The following ASB3 variants were observed in gnomAD, a reference collection of about 807,000 sequenced individuals.
ASB3 encodes ankyrin repeat and SOCS box protein 3.
A neutral mutation model predicts 54.5 loss-of-function variants in ASB3; 41 were observed. The observed-to-expected ratio is 0.75, with a 90% CI of 0.59 to 0.98. The LOEUF is 0.98. Ranked by LOEUF, ASB3 falls within the 50% of genes least tolerant of loss-of-function variation. The pLI is 0.00. For synonymous variants in ASB3, 266 were observed against 221.2 expected (o/e 1.20, Z -1.80); for missense variants, 733 against 620.0 (o/e 1.18, Z -1.94).
intron 9 of ASB3, among the ~76,000 whole-genome samples, chr2:53,674,127 G>A (rs568427073): frequency 2.0e-5 from 3 of 152,088 alleles, no homozygotes; most frequent in South Asian, 2.1e-4. Context: ...TTTATAATAC[G>A]AAAAAGGCCA....
intron 3 of ASB3, among the ~76,000 whole-genome samples, chr2:53,743,049 G>T (rs1164562758): frequency 6.6e-6 from 1 of 152,030 alleles, no homozygotes; most frequent in East Asian, 1.9e-4. Context: ...GAACAGAATG[G>T]ATCATCATTT....
At chr2:53,749,283 T>C (rs1313036114) in intron 3 of ASB3, among the ~76,000 whole-genome samples, 2 of 151,926 alleles carry the variant, frequency 1.3e-5, no homozygotes, top group African/African-American at 4.8e-5. Context: ...ATTACTAAGA[T>C]GTAAGGGAGA....
intron 7 of ASB3, among the ~76,000 whole-genome samples, chr2:53,705,054 A>C (rs1234893213): frequency 6.6e-6 from 1 of 152,202 alleles, no homozygotes; most frequent in Non-Finnish European, 1.5e-5. Context: ...AATTCCCACA[A>C]TCAAATTCTA....
intron 9 of ASB3, among the ~76,000 whole-genome samples, chr2:53,688,507 C>T (rs1050408803): frequency 3.3e-5 from 5 of 152,116 alleles, no homozygotes; most frequent in Admixed American, 1.3e-4. Context: ...AAAAATGAAA[C>T]GGAACTCAGT....
At chr2:53,762,439 C>T (rs774897320) in intron 2 of ASB3, among the ~76,000 whole-genome samples, 10 of 152,154 alleles carry the variant, frequency 6.6e-5, no homozygotes, top group Non-Finnish European at 1.3e-4. Context: ...AACTCTTAAT[C>T]GCTGTGCTAC....
At chr2:53,705,217 C>CA (rs1170096959) in intron 7 of ASB3, among the ~76,000 whole-genome samples, 1 of 152,074 alleles carries the variant, frequency 6.6e-6, no homozygotes, top group Non-Finnish European at 1.5e-5. Flanking sequence ...AAAAATATAG[C>CA]ATTTTCCAAT....
At chr2:53,782,848 G>A (rs1027147566) in intron 1 of ASB3, among the ~76,000 whole-genome samples, 3 of 151,858 alleles carry the variant, frequency 2.0e-5, no homozygotes, top group Non-Finnish European at 2.9e-5. Context: ...GTGCAATGGC[G>A]CAATCTCGGC....
intron 8 of ASB3, among the ~76,000 whole-genome samples, chr2:53,696,159 T>C (rs1051633201): frequency 1.3e-5 from 2 of 152,290 alleles, no homozygotes; most frequent in African/African-American, 4.8e-5. Flanking sequence ...AGTTAAATTT[T>C]CCACTGTATT....
chr2:53,746,222 T>C (rs879764975), intron 3 of ASB3, among the ~76,000 whole-genome samples: 2 of 151,972 alleles, frequency 1.3e-5, no homozygotes, highest in East Asian at 1.9e-4. Flanking sequence ...TTGAGCCCAA[T>C]AGTTTGAGGC....
chr2:53,729,184 C>G (rs897193172), intron 4 of ASB3, among the ~76,000 whole-genome samples: 1 of 152,154 alleles, frequency 6.6e-6, no homozygotes, highest in African/African-American at 2.4e-5. Context: ...ACCCATTGCT[C>G]TTTATCAATT....
At chr2:53,778,552 C>T (rs1674478646) in intron 1 of ASB3, among the ~76,000 whole-genome samples, 1 of 152,184 alleles carries the variant, frequency 6.6e-6, no homozygotes. Flanking sequence ...CATGCCTTCC[C>T]TCCAACCCTG....
chr2:53,700,801 T>C (rs1217644634), intron 7 of ASB3, among the ~76,000 whole-genome samples: 4 of 152,198 alleles, frequency 2.6e-5, no homozygotes, highest in Non-Finnish European at 5.9e-5. Context: ...AAAATTATCA[T>C]TGACAGAAAA....
intron 7 of ASB3, among the ~76,000 whole-genome samples, chr2:53,705,066 G>T (rs531202590): frequency 6.6e-6 from 1 of 152,028 alleles, no homozygotes; most frequent in Non-Finnish European, 1.5e-5. Flanking sequence ...CAAATTCTAC[G>T]TCTCTTTGAC....
intron 1 of ASB3, among the ~76,000 whole-genome samples, chr2:53,777,247 C>A (rs1169057638): frequency 6.6e-6 from 1 of 152,128 alleles, no homozygotes; most frequent in Non-Finnish European, 1.5e-5. Context: ...TCGTCTTAAT[C>A]CCTTTCCAAT....
intron 1 of ASB3, chr2:53,767,826 T>A (rs1482454745): frequency 6.5e-7 from 1 of 1,549,876 alleles, no homozygotes; most frequent in Admixed American, 2.0e-5. Context: ...GAGGCTTCAG[T>A]CCCCGGCGGC....
intron 1 of ASB3, among the ~76,000 whole-genome samples, chr2:53,776,216 G>A (rs553169011): frequency 1.8e-4 from 28 of 152,114 alleles, no homozygotes; most frequent in African/African-American, 6.3e-4. Flanking sequence ...AATTTACTCA[G>A]CTACATATCT....
intron 3 of ASB3, among the ~76,000 whole-genome samples, chr2:53,735,483 T>C (rs1203374569): frequency 9.8e-6 from 1 of 101,836 alleles, no homozygotes. Flanking sequence ...AAAGCAAAGA[T>C]CTAAAAAAAA....
chr2:53,675,869 A>G (rs1182456071), intron 9 of ASB3, among the ~76,000 whole-genome samples: 10 of 152,172 alleles, frequency 6.6e-5, no homozygotes, highest in Admixed American at 5.2e-4. Context: ...ACATAGCAAA[A>G]GTTTCTTTCA....
chr2:53,784,743 C>A (rs1019090546), intron 1 of ASB3, among the ~76,000 whole-genome samples: 1 of 152,142 alleles, frequency 6.6e-6, no homozygotes, highest in Non-Finnish European at 1.5e-5. Context: ...CAGATTAGGG[C>A]CCCCTTTGAT....
Sources: allele counts gnomAD v4.1 joint callset (sites outside exome capture counted in the v4.1 genomes callset), GRCh38; gene constraint gnomAD v4.1.1; transcripts MANE v1.5; gene names NCBI Gene and HGNC (gene_info 2026-07-23, HGNC 2026-07-21).